Variants in ARID3A observed in about 807,000 individuals in gnomAD.
ARID3A encodes AT-rich interaction domain 3A.
In ARID3A, 11 loss-of-function variants were observed where a neutral mutation model predicts 52.7. The observed-to-expected ratio is 0.21, with a 90% CI of 0.13 to 0.35. ARID3A has a LOEUF of 0.35. Among genes scored for constraint, ARID3A ranks in the 10% least tolerant of loss-of-function variants. The pLI is 1.00. For missense variants in ARID3A, 721 were observed against 838.5 expected (o/e 0.86, Z 1.73); for synonymous variants, 404 against 359.4 (o/e 1.12, Z -1.40).
Position 931,036 on chromosome 19 carries a change from G to A in ARID3A, c.368+1140G>A, listed in dbSNP as rs1381778062. Among the ~76,000 whole-genome samples the A allele has an allele frequency of 3.3e-5, 5 of 149,454 alleles. No homozygotes were observed. In the Admixed American group the frequency reaches 3.4e-4, roughly 10 times the overall value. On this transcript the variant is annotated intron_variant, in intron 2 of 8. Transcript: ENST00000263620. ...ATGCTGGGCGCAGTGGCTCACGCCT[G>A]TAATCCCAGCACTTTGGGAGGCCGA...
rs1197220050 is a variant in ARID3A, at chr19:974,084, G to GGA, written c.*2020_*2021dup. The GGA allele has an allele frequency of 4.4e-6, 1 of 226,692 alleles. No individual in the cohort carries two copies. The highest frequency in any genetic ancestry group is 8.8e-6 in the Non-Finnish European group (1 of 114,162). The allele number at this position is 226,692 out of a possible 1,614,324, so 14.0% of individuals were successfully genotyped here. A position where few individuals can be genotyped will look rare whatever the true frequency, so the allele number is the denominator to read the frequency against. On this transcript the variant is annotated 3_prime_UTR_variant, in exon 9 of 9. Transcript: ENST00000263620. ...CGGCATGGGGGCTTGGTGAGGAAGG[G>GGA]GACTCCCCAGCTCCCCCCACTCCCA...
Position 929,857 on chromosome 19 carries a change from G to A in ARID3A, c.329G>A (p.Gly110Glu). ...GSPGRGREGP[G>E]EEHFEDMASD... Reference sequence around the variant, plus strand: ...CCCGGGCGAGGCAGAGAAGGGCCAGGAGAGGAGCACTTTGAGGACATGGCC... The same window carrying A: ...CCCGGGCGAGGCAGAGAAGGGCCAGAAGAGGAGCACTTTGAGGACATGGCC... The change falls in exon 2 of 9, where the codon GGA (glycine) becomes GAA (glutamate). Residue 110 changes from glycine to glutamate, a missense_variant. By Grantham distance (98) the Gly-to-Glu change is moderately conservative (BLOSUM62 -2). Around this residue, in one of 5 missense-constraint regions of ARID3A, gnomAD observed 349 missense variants for 297.3 expected, o/e 1.17. Transcript: ENST00000263620. The surrounding 1 kb of genome is among the most constrained non-coding windows in gnomAD (Gnocchi z 6.2). The A allele has an allele frequency of 6.5e-7, 1 of 1,544,430 alleles. No individual in the cohort carries two copies.
In ARID3A at chr19:942,915, G is replaced by C. The variant is rs766916737; in HGVS notation, c.693+10173G>C. Among the ~76,000 whole-genome samples, 1 of 152,128 alleles carries C rather than the reference G, an allele frequency of 6.6e-6. No homozygotes were observed. Among genetic ancestry groups the C allele is most frequent in the Non-Finnish European group, 1.5e-5 (1 of 68,018 alleles). ...AAGATGGGACTGCATTTGGAAATAG[G>C]GTCTCTGAAGATGTTAGTTTCAGTG... is the stretch of plus-strand genomic sequence containing the variant. On this transcript the variant is annotated intron_variant, in intron 3 of 8. Transcript: ENST00000263620. This position sits in a 1 kb window ranked among gnomAD's most constrained non-coding sequence, Gnocchi z 8.1.
Position 941,244 on chromosome 19 carries a change from G to A in ARID3A, c.693+8502G>A, listed in dbSNP as rs1475205651. Among the ~76,000 whole-genome samples, 1 of 152,374 alleles carries A rather than the reference G, an allele frequency of 6.6e-6. No homozygotes were observed. The highest frequency in any genetic ancestry group is 1.5e-5 in the Non-Finnish European group (1 of 68,030). On this transcript the variant is annotated intron_variant, in intron 3 of 8. Coordinates refer to ENST00000263620, the MANE Select transcript of ARID3A (RefSeq NM_005224.3). This position sits in a 1 kb window ranked among gnomAD's most constrained non-coding sequence, Gnocchi z 6.9. ...GGCGTGGTGAGCCGCCGTGGCGTGC[G>A]TGCGAGTGTGCACGCTGGGGCTGTG... is the stretch of plus-strand genomic sequence containing the variant.
In ARID3A at chr19:964,588, G is replaced by A. The variant is rs1351753166; in HGVS notation, c.950+157G>A. Reference sequence around the variant, plus strand: ...GGGCCACACCGTGCGTCCAGGGCCCGAGAGCGTCAAGTAGGGGTGCGAGGA... The same window carrying A: ...GGGCCACACCGTGCGTCCAGGGCCCAAGAGCGTCAAGTAGGGGTGCGAGGA... On this transcript the variant is annotated intron_variant, in intron 5 of 8. Coordinates refer to ENST00000263620, the MANE Select transcript of ARID3A (RefSeq NM_005224.3). The surrounding 1 kb of genome is among the most constrained non-coding windows in gnomAD (Gnocchi z 5.7). 6.6e-6 allele frequency among the ~76,000 whole-genome samples: 1 copy of A among 152,184 alleles called. No individual in the cohort carries two copies. The highest frequency in any genetic ancestry group is 1.5e-5 in the Non-Finnish European group (1 of 68,020).
chr19:934,539 T>A (rs2037400200), intron 3 of ARID3A, among the ~76,000 whole-genome samples: 2 of 151,088 alleles, frequency 1.3e-5, no homozygotes, highest in South Asian at 4.2e-4. Context: ...GGGAGGGGGG[T>A]CACTGTGTCA....
chr19:944,118 C>A lies in ARID3A; in HGVS notation c.693+11376C>A, dbSNP rs1293930416. ...CTACAGGGTACCTGCTGTATGCCAG[C>A]CTGACCCTCTCATGGGCACTTACGG... On this transcript the variant is annotated intron_variant, in intron 3 of 8. Transcript: ENST00000263620. This position sits in a 1 kb window ranked among gnomAD's most constrained non-coding sequence, Gnocchi z 5.9. Among the ~76,000 whole-genome samples, 1 of 152,036 alleles carries A rather than the reference C, an allele frequency of 6.6e-6. No individual in the cohort carries two copies. Among genetic ancestry groups the A allele is most frequent in the Non-Finnish European group, 1.5e-5 (1 of 67,980 alleles).
intron 3 of ARID3A, among the ~76,000 whole-genome samples, chr19:949,275 G>C (rs2037754164): frequency 6.6e-6 from 1 of 152,148 alleles, no homozygotes; most frequent in Non-Finnish European, 1.5e-5. Context: ...TGGAGGGGGA[G>C]GTGCCAAGGC....
Position 932,528 on chromosome 19 carries a change from GC to G in ARID3A, c.485del (p.Pro162GlnfsTer50). The G allele has an allele frequency of 1.3e-6, 2 of 1,521,542 alleles. No individual in the cohort carries two copies. Among genetic ancestry groups the G allele is most frequent in the South Asian group, 1.2e-5 (1 of 81,080 alleles). 94.3% of individuals were successfully genotyped at this position (1,521,542 alleles called of 1,614,324 possible). On this transcript the variant is annotated frameshift_variant, in exon 3 of 9. Transcript: ENST00000263620. LOFTEE classifies it high-confidence loss of function. ...EEEEEDEEGLGPPGPASLGTT... is the reference protein window; with the variant it reads ...EEEEEDEEGLXPPGPASLGTT... ...GAGGAGGAGGACGAGGAGGGGCTGGGCCCCCCAGGCCCTGCCAGCTTGGGCA... is the reference window on the plus strand; with the variant it reads ...GAGGAGGAGGACGAGGAGGGGCTGGGCCCCCAGGCCCTGCCAGCTTGGGCA...
At chr19:955,778 GC>G (rs1568367366) in intron 3 of ARID3A, among the ~76,000 whole-genome samples, 1 of 152,198 alleles carries the variant, frequency 6.6e-6, no homozygotes, top group Non-Finnish European at 1.5e-5. Flanking sequence ...CCTTCCGCTC[GC>G]CCTGGAAGGG....
In ARID3A at chr19:938,056, G is replaced by A. The variant is rs56674637; in HGVS notation, c.693+5314G>A. 6.6e-6 allele frequency among the ~76,000 whole-genome samples: 1 copy of A among 151,870 alleles called. No individual in the cohort carries two copies. The highest frequency in any genetic ancestry group is 1.9e-4 in the East Asian group (1 of 5,162). ...ACGGGGTTTCACCGTGTTGGGCAGGGTGGTCTTGAACTCCCAACCTCAGGT... is the reference window on the plus strand; with the variant it reads ...ACGGGGTTTCACCGTGTTGGGCAGGATGGTCTTGAACTCCCAACCTCAGGT... On this transcript the variant is annotated intron_variant, in intron 3 of 8. Coordinates refer to ENST00000263620, the MANE Select transcript of ARID3A (RefSeq NM_005224.3). This position sits in a 1 kb window ranked among gnomAD's most constrained non-coding sequence, Gnocchi z 4.0.
At chr19:951,908 G>A (rs1393158658) in intron 3 of ARID3A, among the ~76,000 whole-genome samples, 1 of 152,060 alleles carries the variant, frequency 6.6e-6, no homozygotes, top group Non-Finnish European at 1.5e-5. Flanking sequence ...GGCAGAGGCG[G>A]GAGGATGGCC....
chr19:970,991 A>C (rs2145477024), intron 8 of ARID3A, among the ~76,000 whole-genome samples: 1 of 152,226 alleles, frequency 6.6e-6, no homozygotes, highest in South Asian at 2.1e-4. Context: ...TTCATATTGA[A>C]TCTTACAGGG....
In ARID3A at chr19:941,963, C is replaced by G. The variant is rs2037565297; in HGVS notation, c.693+9221C>G. Among the ~76,000 whole-genome samples, 1 of 152,096 alleles carries G rather than the reference C, an allele frequency of 6.6e-6. No individual in the cohort carries two copies. Among genetic ancestry groups the G allele is most frequent in the Non-Finnish European group, 1.5e-5 (1 of 68,012 alleles). On this transcript the variant is annotated intron_variant, in intron 3 of 8. Coordinates refer to ENST00000263620, the MANE Select transcript of ARID3A (RefSeq NM_005224.3). This position sits in a 1 kb window ranked among gnomAD's most constrained non-coding sequence, Gnocchi z 6.9. ...AGCATTTGGGAGCCTCGTGCTGGAC[C>G]CTGAAGCATGAGGTCGCGGTGGGGC...
In ARID3A at chr19:934,621, A is replaced by G. The variant is rs2145363407; in HGVS notation, c.693+1879A>G. 3.9e-5 allele frequency among the ~76,000 whole-genome samples: 6 copies of G among 152,128 alleles called. 1 individual carries two copies. The South Asian group carries it at 1.2e-3, about 32-fold the overall frequency. On this transcript the variant is annotated intron_variant, in intron 3 of 8. Coordinates refer to ENST00000263620, the MANE Select transcript of ARID3A (RefSeq NM_005224.3). ...CCCCTGGGTGTACCGGGCAGTGCAG[A>G]GGCCCTGAGGTGGACTAAAGCTCGG...
At chr19:953,966 A>G (rs1422562289) in intron 3 of ARID3A, among the ~76,000 whole-genome samples, 1 of 152,202 alleles carries the variant, frequency 6.6e-6, no homozygotes, top group African/African-American at 2.4e-5. Context: ...TCATTGGCTC[A>G]GGAGACCGAG....
chr19:928,086 G>A (rs555570516), intron 1 of ARID3A, among the ~76,000 whole-genome samples: 2 of 152,098 alleles, frequency 1.3e-5, no homozygotes, highest in East Asian at 3.9e-4. Flanking sequence ...CTGCCTCCTC[G>A]TCTCTCCAGG....
At chr19:968,217 A>G (rs1344041144) in intron 7 of ARID3A, among the ~76,000 whole-genome samples, 188 bp from the exon 8 acceptor site, 2 of 150,068 alleles carry the variant, frequency 1.3e-5, no homozygotes, top group African/African-American at 2.5e-5. Context: ...AAAATTAGCC[A>G]GGCGTGGTGG....
chr19:931,549 A>T (rs1489136615), intron 2 of ARID3A, among the ~76,000 whole-genome samples: 1 of 151,880 alleles, frequency 6.6e-6, no homozygotes, highest in Non-Finnish European at 1.5e-5. Flanking sequence ...GTGGTGGCTC[A>T]CGCCTGTAAT....
Sources: gnomAD v4.1 joint callset for allele counts (sites outside exome capture counted in the v4.1 genomes callset) on GRCh38, gnomAD v4.1.1 for gene constraint, gnomAD v4.1.1 regional missense constraint, Gnocchi (gnomAD v3.1) non-coding constraint, MANE v1.5 for transcripts, NCBI Gene and HGNC (gene_info 2026-07-23, HGNC 2026-07-21) for gene names.